ERICH2: variants seen among roughly 807,000 people sequenced by gnomAD.
The protein encoded by ERICH2 is glutamate rich 2, also known as glutamate-rich protein 2.
In ERICH2, 17 loss-of-function variants were observed where a neutral mutation model predicts 17.4. That is an observed-to-expected ratio of 0.98 (90% confidence interval 0.67 to 1.47). ERICH2 has a LOEUF of 1.47. ERICH2 is among the 40% of genes most tolerant of loss of function. ERICH2 has a pLI of 0.00. For missense variants in ERICH2, 186 were observed against 183.2 expected, an observed-to-expected ratio of 1.01 and a Z score of -0.09; for synonymous variants, 51 against 61.1, an observed-to-expected ratio of 0.83 and a Z score of 0.77.
At chr2:170,770,406 G>C in the ERICH2 span, among the ~76,000 whole-genome samples, 4 of 152,284 alleles carry the variant, frequency 2.6e-5, no homozygotes, top group Non-Finnish European at 2.9e-5. Context: ...TGGCGCTAGA[G>C]GGAACCTGGG....
At chr2:170,796,694 C>T (rs1701432867) in intron 3 of ERICH2, among the ~76,000 whole-genome samples, 1 of 152,108 alleles carries the variant, frequency 6.6e-6, no homozygotes, top group Non-Finnish European at 1.5e-5. Context: ...GCCTCAGCCT[C>T]CCAAAGTGCT....
intron 3 of ERICH2, among the ~76,000 whole-genome samples, chr2:170,796,530 G>C (rs1388951566): frequency 6.7e-6 from 1 of 148,482 alleles, no homozygotes; most frequent in Non-Finnish European, 1.5e-5. Context: ...CCATCTCCTA[G>C]GTTCATGTCA....
At chr2:170,788,300 G>C (rs1010707591) in intron 2 of ERICH2, among the ~76,000 whole-genome samples, 1 of 151,980 alleles carries the variant, frequency 6.6e-6, no homozygotes, top group Non-Finnish European at 1.5e-5. Flanking sequence ...TAGACTCTCT[G>C]GAGTTGTTTT....
chr2:170,793,294 C>G (rs1168870480), intron 3 of ERICH2, among the ~76,000 whole-genome samples: 6 of 152,178 alleles, frequency 3.9e-5, no homozygotes, highest in African/African-American at 7.2e-5. Context: ...CTACACATGC[C>G]AGCCACTGTT....
At chr2:170,796,440 G>GTTTTTTTTT (rs370083171) in intron 3 of ERICH2, among the ~76,000 whole-genome samples, 1 of 83,452 alleles carries the variant, frequency 1.2e-5, no homozygotes, top group Non-Finnish European at 2.5e-5. Context: ...TTTTTTTTTT[G>GTTTTTTTTT]TTTTTTTTTT....
chr2:170,783,738 A>G, upstream of ERICH2: 1 of 1,504,176 alleles, frequency 6.6e-7, no homozygotes. Flanking sequence ...ACATCACAAA[A>G]TGTCCCTAAT....
At chr2:170,787,031 TTTTG>T (rs141133369) in intron 2 of ERICH2, among the ~76,000 whole-genome samples, 42,434 of 151,154 alleles carry the variant, frequency 0.28, 7,016 homozygotes, top group South Asian at 0.37. Context: ...CATGCCTATA[TTTTG>T]TTTGTTTGTT....
At chr2:170,781,525 T>C (rs1345512798), upstream of ERICH2, among the ~76,000 whole-genome samples, 1 of 151,248 alleles carries the variant, frequency 6.6e-6, no homozygotes, top group Non-Finnish European at 1.5e-5. Flanking sequence ...TCCCAGCTAC[T>C]AGAGAGGCTG....
chr2:170,774,476 T>G, the ERICH2 span, among the ~76,000 whole-genome samples: 1 of 152,012 alleles, frequency 6.6e-6, no homozygotes, highest in Non-Finnish European at 1.5e-5. Context: ...AATGGAATCT[T>G]AAAGAAGTTA....
At chr2:170,774,095 T>C in the ERICH2 span, among the ~76,000 whole-genome samples, 1 of 152,206 alleles carries the variant, frequency 6.6e-6, no homozygotes, top group Non-Finnish European at 1.5e-5. Context: ...CTGTTCCCAT[T>C]GCCACAAGGA....
At chr2:170,782,015 A>T (rs911489783), upstream of ERICH2, among the ~76,000 whole-genome samples, 9 of 152,246 alleles carry the variant, frequency 5.9e-5, no homozygotes, top group African/African-American at 2.2e-4. Flanking sequence ...AACTCTGAAA[A>T]GAGTCTAAGA....
At chr2:170,783,595 G>T (rs1701079673), upstream of ERICH2, among the ~76,000 whole-genome samples, 1 of 152,140 alleles carries the variant, frequency 6.6e-6, no homozygotes, top group South Asian at 2.1e-4. Context: ...CATAAGTAAG[G>T]TAATTGCAGT....
chr2:170,793,294 C>A (rs1168870480), intron 3 of ERICH2, among the ~76,000 whole-genome samples: 1 of 152,178 alleles, frequency 6.6e-6, no homozygotes, highest in Non-Finnish European at 1.5e-5. Context: ...CTACACATGC[C>A]AGCCACTGTT....
rs1173330908 is a variant in ERICH2, at chr2:170,792,931, A to C, written c.274+11A>C. The stretch of plus-strand genomic sequence containing the variant: ...AATTATGTCAGATGAGTAAGTACAA[A>C]ATACTTTCATATTTTCTAATCTTCT... On this transcript the variant is annotated intron_variant, in intron 3 of 4. Transcript: ENST00000409885. 1.3e-5 allele frequency: 19 copies of C among 1,455,612 alleles called. No homozygotes were observed. The highest frequency in any genetic ancestry group is 1.8e-5 in the Non-Finnish European group (19 of 1,077,954). 90.2% of individuals were successfully genotyped at this position (1,455,612 alleles called of 1,614,324 possible).
At chr2:170,770,496 TC>T in the ERICH2 span, among the ~76,000 whole-genome samples, 1 of 151,916 alleles carries the variant, frequency 6.6e-6, no homozygotes, top group Admixed American at 6.6e-5. Context: ...GTCCAGGGAC[TC>T]CCCCCGGAGA....
upstream of ERICH2, chr2:170,783,763 TC>T: frequency 6.5e-7 from 1 of 1,545,598 alleles, no homozygotes; most frequent in South Asian, 1.2e-5. Context: ...CATTATGACC[TC>T]CCTTGGTGAC....
At chr2:170,775,754 T>C in the ERICH2 span, 2 of 154,030 alleles carry the variant, frequency 1.3e-5, no homozygotes, top group Non-Finnish European at 2.9e-5. Flanking sequence ...AATTAACGTA[T>C]GTAATGTTGG....
intron 3 of ERICH2, among the ~76,000 whole-genome samples, chr2:170,797,542 A>C (rs1701457910): frequency 6.6e-6 from 1 of 152,158 alleles, no homozygotes; most frequent in Non-Finnish European, 1.5e-5. Context: ...TCATGCCTGT[A>C]ATCCCAGCAC....
chr2:170,783,679 TTC>T (rs1300289664), upstream of ERICH2: 10 of 1,063,042 alleles, frequency 9.4e-6, no homozygotes, highest in South Asian at 4.7e-5. Context: ...ATCAGGAAAC[TTC>T]TCTCATGCTG....
Sources: gnomAD v4.1 joint callset for allele counts (sites outside exome capture counted in the v4.1 genomes callset) on GRCh38, gnomAD v4.1.1 for gene constraint, MANE v1.5 for transcripts, NCBI Gene and HGNC (gene_info 2026-07-23, HGNC 2026-07-21) for gene names.